The following FAM171A1 variants were observed in gnomAD, a reference collection of about 807,000 sequenced individuals.
FAM171A1 encodes the protein protein FAM171A1.
A neutral mutation model predicts 74.9 loss-of-function variants in FAM171A1; 23 were observed. That is an observed-to-expected ratio of 0.31 (90% CI 0.22 to 0.44). The LOEUF (loss-of-function observed/expected upper bound fraction) is 0.44. FAM171A1 is among the 20% of genes least tolerant of loss of function. FAM171A1 has a pLI of 1.00. For synonymous variants in FAM171A1, 527 were observed against 505.7 expected (o/e 1.04, Z -0.57); for missense variants, 1,162 against 1,159.2 (o/e 1.00, Z -0.03).
intron 3 of FAM171A1, among the ~76,000 whole-genome samples, chr10:15,265,340 G>A (rs1201373330): frequency 6.6e-6 from 1 of 151,952 alleles, no homozygotes; most frequent in Non-Finnish European, 1.5e-5. Context: ...TGGGTTGGGT[G>A]TGGCTGCCTA....
chr10:15,341,057 C>G (rs998487891), intron 1 of FAM171A1, among the ~76,000 whole-genome samples: 9 of 152,154 alleles, frequency 5.9e-5, no homozygotes, highest in Non-Finnish European at 1.2e-4. Context: ...TGGCAGCACA[C>G]CTACAAGTGA....
At chr10:15,226,412 T>G (rs141077476) in intron 5 of FAM171A1, among the ~76,000 whole-genome samples, 3 of 152,284 alleles carry the variant, frequency 2.0e-5, no homozygotes, top group African/African-American at 4.8e-5. Context: ...TTTAAAGCAT[T>G]TGAACCCCCT....
intron 1 of FAM171A1, among the ~76,000 whole-genome samples, chr10:15,365,458 T>C (rs1836048369): frequency 6.6e-6 from 1 of 152,036 alleles, no homozygotes; most frequent in Non-Finnish European, 1.5e-5. Flanking sequence ...GATTAATAAG[T>C]TCTGAAAATG....
chr10:15,344,944 C>T (rs1385201002), intron 1 of FAM171A1, among the ~76,000 whole-genome samples: 2 of 152,186 alleles, frequency 1.3e-5, no homozygotes, highest in African/African-American at 4.8e-5. Flanking sequence ...CAGCCCTGAA[C>T]AAAGGACACA....
At chr10:15,323,482 A>C (rs891705046) in intron 1 of FAM171A1, among the ~76,000 whole-genome samples, 18 of 152,262 alleles carry the variant, frequency 1.2e-4, no homozygotes, top group African/African-American at 4.3e-4. Context: ...AAATAAAATA[A>C]AAAAACAAAA....
intron 1 of FAM171A1, among the ~76,000 whole-genome samples, chr10:15,298,139 T>G (rs987925984): frequency 6.6e-6 from 1 of 152,164 alleles, no homozygotes; most frequent in Non-Finnish European, 1.5e-5. Context: ...TTTCTTTTTC[T>G]TTTTTGAGAT....
At chr10:15,220,719 A>G (rs960513272) in intron 6 of FAM171A1, among the ~76,000 whole-genome samples, 1 of 152,060 alleles carries the variant, frequency 6.6e-6, no homozygotes, top group African/African-American at 2.4e-5. Flanking sequence ...GCCACTCAAG[A>G]CTATTTTCTA....
chr10:15,295,669 A>G (rs746557810), intron 1 of FAM171A1, among the ~76,000 whole-genome samples: 15 of 152,080 alleles, frequency 9.9e-5, no homozygotes, highest in Non-Finnish European at 2.9e-5. Context: ...TTCCACAGCA[A>G]CTCACCCTAG....
intron 1 of FAM171A1, among the ~76,000 whole-genome samples, chr10:15,299,782 T>C (rs1835206643): frequency 6.6e-6 from 1 of 151,966 alleles, no homozygotes; most frequent in Admixed American, 6.6e-5. Flanking sequence ...ATTGAGACCA[T>C]CCTGGCTAAC....
At chr10:15,300,607 C>CA (rs1161182074) in intron 1 of FAM171A1, among the ~76,000 whole-genome samples, 1 of 128,884 alleles carries the variant, frequency 7.8e-6, no homozygotes, top group Non-Finnish European at 1.6e-5. Flanking sequence ...TCCCACCCCC[C>CA]AAAAAAAATA....
At chr10:15,365,220 G>A (rs1488886656) in intron 1 of FAM171A1, among the ~76,000 whole-genome samples, 1 of 152,182 alleles carries the variant, frequency 6.6e-6, no homozygotes, top group Non-Finnish European at 1.5e-5. Flanking sequence ...TGGATTTTAA[G>A]GGAGGGAAGG....
chr10:15,213,477 T>A lies in FAM171A1; in HGVS notation c.2111A>T (p.His704Leu). The A allele has an allele frequency of 6.2e-7, 1 of 1,613,794 alleles. No individual in the cohort carries two copies. Among genetic ancestry groups the A allele is most frequent in the Non-Finnish European group, 8.5e-7 (1 of 1,179,972 alleles). ...MELGGGKPLP[H>L]PRAWFVSLDG... ...CAAGGAGACGAACCACGCCCGGGGG[T>A]GCGGAAGCGGCTTCCCACCCCCAAG... Residue 704 changes from histidine (H) to leucine (L), a missense_variant, in exon 8 of 8, where the codon CAC becomes CTC. By Grantham distance (99) the His-to-Leu change is moderately conservative. Coordinates refer to ENST00000378116, the MANE Select transcript of FAM171A1 (RefSeq NM_001010924.2). This position sits in a 1 kb window ranked among gnomAD's most constrained non-coding sequence, Gnocchi z 6.8.
chr10:15,351,509 C>T (rs982182603), intron 1 of FAM171A1, among the ~76,000 whole-genome samples: 4 of 152,058 alleles, frequency 2.6e-5, no homozygotes, highest in African/African-American at 7.2e-5. Flanking sequence ...AATCTATAAA[C>T]GACCATGCAA....
chr10:15,309,396 T>TG (rs1471775787), intron 1 of FAM171A1, among the ~76,000 whole-genome samples: 1 of 152,164 alleles, frequency 6.6e-6, no homozygotes, highest in East Asian at 1.9e-4. Flanking sequence ...TTCGTAGAGA[T>TG]GGGGTCTCAC....
In FAM171A1 at chr10:15,215,990, CTT is replaced by C; in HGVS notation, c.986+4_986+5del. The C allele has an allele frequency of 6.3e-7, 1 of 1,577,270 alleles. No individual in the cohort carries two copies. The stretch of plus-strand genomic sequence containing the variant: ...AAAAGATATTGCCAAAATGGTAACA[CTT>C]TACCTGCAATAATATAAAAGGAGAC... On this transcript the variant is annotated splice_donor_5th_base_variant and intron_variant, in intron 7 of 7. Coordinates refer to ENST00000378116, the MANE Select transcript of FAM171A1 (RefSeq NM_001010924.2).
At chr10:15,260,766 T>C (rs751465826) in intron 3 of FAM171A1, among the ~76,000 whole-genome samples, 1 of 152,196 alleles carries the variant, frequency 6.6e-6, no homozygotes, top group Non-Finnish European at 1.5e-5. Flanking sequence ...TAGTTCTTTG[T>C]TTGGGGGTGT....
In FAM171A1 at chr10:15,248,623, C is replaced by T. The variant is rs1329269830; in HGVS notation, c.754+16G>A. ...GCCATCTGGTAGCCGATTGTCGGCA[C>T]AGAACTCTTGCTTACCCAGCTTCTG... On this transcript the variant is annotated intron_variant, in intron 5 of 7. Coordinates refer to ENST00000378116, the MANE Select transcript of FAM171A1 (RefSeq NM_001010924.2). 1.3e-6 allele frequency: 2 copies of T among 1,586,540 alleles called. No homozygotes were observed. Among genetic ancestry groups the T allele is most frequent in the African/African-American group, 2.7e-5 (2 of 74,098 alleles).
In FAM171A1 at chr10:15,273,844, C is replaced by A. The variant is rs570025679; in HGVS notation, c.418+2011G>T. 3.0e-4 allele frequency among the ~76,000 whole-genome samples: 45 copies of A among 152,270 alleles called. No individual in the cohort carries two copies. The East Asian group carries it at 6.9e-3, about 23-fold the overall frequency. ...TGACAAAATTCAACAGCCCTTCATG[C>A]TAAAAACTCTCAATAAACTAGGTAT... On this transcript the variant is annotated intron_variant, in intron 3 of 7. Coordinates refer to ENST00000378116, the MANE Select transcript of FAM171A1 (RefSeq NM_001010924.2).
At chr10:15,254,903 A>T (rs767456470) in intron 3 of FAM171A1, 24 bp from the exon 4 acceptor site, 1 of 1,605,444 alleles carries the variant, frequency 6.2e-7, no homozygotes, top group Non-Finnish European at 8.5e-7. Context: ...CCTCCGAGTT[A>T]TCTCCCCCAG....
Sources: allele counts gnomAD v4.1 joint callset (sites outside exome capture counted in the v4.1 genomes callset), GRCh38; gene constraint gnomAD v4.1.1; non-coding constraint Gnocchi (gnomAD v3.1); transcripts MANE v1.5; gene names NCBI Gene and HGNC (gene_info 2026-07-23, HGNC 2026-07-21).